SORCS1: variants seen among roughly 807,000 people sequenced by gnomAD.
SORCS1 encodes the protein VPS10 domain-containing receptor SorCS1.
SORCS1 carries 60 observed loss-of-function variants against 146.1 expected under a neutral mutation model. That is an observed-to-expected ratio of 0.41 (90% CI 0.33 to 0.51). The LOEUF (loss-of-function observed/expected upper bound fraction) is 0.51. Ranked by LOEUF, SORCS1 falls within the 20% of genes least tolerant of loss-of-function variation. The probability of loss-of-function intolerance (pLI) is 0.21; values close to 1 mark genes in which losing one functional copy is unlikely to be tolerated. For missense variants in SORCS1, 1,352 were observed against 1,487.6 expected, an observed-to-expected ratio of 0.91 and a Z score of 1.50; for synonymous variants, 637 against 584.0, an observed-to-expected ratio of 1.09 and a Z score of -1.31.
At chr10:106,878,248 G>A (rs1342720533) in intron 2 of SORCS1, among the ~76,000 whole-genome samples, 1 of 151,094 alleles carries the variant, frequency 6.6e-6, no homozygotes, top group Non-Finnish European at 1.5e-5. Context: ...CTGTCTTCTG[G>A]GGGACTCCTT....
intron 1 of SORCS1, among the ~76,000 whole-genome samples, chr10:107,070,753 C>T (rs1183263997): frequency 6.6e-6 from 1 of 151,942 alleles, no homozygotes; most frequent in Non-Finnish European, 1.5e-5. Context: ...AATTTCAAAA[C>T]AAAAATTGTC....
chr10:106,656,448 C>T (rs1018779393), intron 17 of SORCS1, among the ~76,000 whole-genome samples: 2 of 152,032 alleles, frequency 1.3e-5, no homozygotes, highest in African/African-American at 2.4e-5. Flanking sequence ...CTACTCTACT[C>T]GGGAGGCTGA....
chr10:106,665,438 G>T (rs1199961802), intron 17 of SORCS1, among the ~76,000 whole-genome samples: 4 of 148,606 alleles, frequency 2.7e-5, no homozygotes, highest in African/African-American at 7.5e-5. Context: ...GTCCAGGGTG[G>T]CCTTGAACTC....
intron 1 of SORCS1, among the ~76,000 whole-genome samples, chr10:107,054,950 C>T (rs753192928): frequency 6.6e-6 from 1 of 152,122 alleles, no homozygotes; most frequent in African/African-American, 2.4e-5. Context: ...AAGTGTTGGC[C>T]ACTCTTATTA....
intron 3 of SORCS1, among the ~76,000 whole-genome samples, chr10:106,789,765 C>G (rs1946224495): frequency 6.6e-6 from 1 of 152,224 alleles, no homozygotes; most frequent in Admixed American, 6.5e-5. Flanking sequence ...TACCAGTACT[C>G]CACTCTCTGC....
intron 1 of SORCS1, among the ~76,000 whole-genome samples, chr10:107,163,348 A>C (rs1969848685): frequency 6.6e-6 from 1 of 152,090 alleles, no homozygotes; most frequent in Non-Finnish European, 1.5e-5. Context: ...TTCTCAAAAC[A>C]CCCTCGCTTA....
chr10:106,700,996 C>T lies in SORCS1; in HGVS notation c.1234-1603G>A, dbSNP rs115602357. ...GGTATCTGCAGGGGGATTGGTTCCA[C>T]AATTGCCCTCAGATACCAAAATCCA... On this transcript the variant is annotated intron_variant, in intron 8 of 25. Transcript: ENST00000263054. Among the ~76,000 whole-genome samples the T allele has an allele frequency of 1.8e-3, 270 of 152,278 alleles. 1 individual carries two copies. The highest frequency in any genetic ancestry group is 6.0e-3 in the African/African-American group (249 of 41,562).
intron 1 of SORCS1, among the ~76,000 whole-genome samples, chr10:107,140,366 T>G (rs1238277856): frequency 6.6e-6 from 1 of 151,378 alleles, no homozygotes; most frequent in Non-Finnish European, 1.5e-5. Flanking sequence ...TTTCATGACA[T>G]GTGCAGTTTT....
chr10:106,782,831 C>A (rs1254827537), intron 3 of SORCS1, among the ~76,000 whole-genome samples: 3 of 152,146 alleles, frequency 2.0e-5, no homozygotes, highest in Non-Finnish European at 4.4e-5. Flanking sequence ...GCGGGTTGAT[C>A]CACAGGGCTG....
chr10:107,160,457 C>T (rs572502266), intron 1 of SORCS1, among the ~76,000 whole-genome samples: 9 of 152,164 alleles, frequency 5.9e-5, no homozygotes, highest in Non-Finnish European at 1.3e-4. Flanking sequence ...AAAGCATCTA[C>T]CCCAAAAGTT....
At chr10:106,948,300 AT>A (rs1358280481) in intron 2 of SORCS1, among the ~76,000 whole-genome samples, 1 of 147,200 alleles carries the variant, frequency 6.8e-6, no homozygotes, top group African/African-American at 2.5e-5. Context: ...AAAAAAAAAA[AT>A]GTATCTGTGT....
Position 107,018,963 on chromosome 10 carries a change from A to G in SORCS1, c.559-62383T>C, listed in dbSNP as rs142759425. On this transcript the variant is annotated intron_variant, in intron 1 of 25. Coordinates refer to ENST00000263054, the MANE Select transcript of SORCS1 (RefSeq NM_052918.5). The stretch of plus-strand genomic sequence containing the variant: ...CAAATAACTTGAAGTTCCAGCTTCT[A>G]GGCTCAGCTCTGCTATTCAATAGCT... 3.5e-4 allele frequency among the ~76,000 whole-genome samples: 54 copies of G among 152,350 alleles called. No individual in the cohort carries two copies. The East Asian group carries it at 5.4e-3, about 15-fold the overall frequency.
chr10:107,137,122 T>C (rs1325199453), intron 1 of SORCS1, among the ~76,000 whole-genome samples: 1 of 152,162 alleles, frequency 6.6e-6, no homozygotes, highest in African/African-American at 2.4e-5. Flanking sequence ...TTAATGTAGC[T>C]ACCAGCCTGC....
chr10:107,110,591 A>G (rs1965627922), intron 1 of SORCS1, among the ~76,000 whole-genome samples: 1 of 152,036 alleles, frequency 6.6e-6, no homozygotes, highest in African/African-American at 2.4e-5. Context: ...TGAGGGATCC[A>G]CCCTCATAAC....
chr10:106,771,146 A>G (rs557390084), intron 4 of SORCS1, among the ~76,000 whole-genome samples: 5 of 152,202 alleles, frequency 3.3e-5, no homozygotes, highest in Non-Finnish European at 5.9e-5. Flanking sequence ...ATCCTAACAG[A>G]GGCTCCAAGA....
intron 2 of SORCS1, among the ~76,000 whole-genome samples, chr10:106,854,811 A>C (rs1353764974): frequency 1.3e-5 from 2 of 152,078 alleles, no homozygotes; most frequent in Non-Finnish European, 2.9e-5. Context: ...ACATAAGCAT[A>C]CCTAAGTGTG....
At chr10:106,868,265 C>G (rs1229021292) in intron 2 of SORCS1, among the ~76,000 whole-genome samples, 1 of 152,084 alleles carries the variant, frequency 6.6e-6, no homozygotes, top group African/African-American at 2.4e-5. Context: ...GACTTCAACA[C>G]CCCACTGACA....
intron 2 of SORCS1, among the ~76,000 whole-genome samples, chr10:106,882,945 C>A (rs1950860392): frequency 6.6e-6 from 1 of 152,154 alleles, no homozygotes; most frequent in Admixed American, 6.5e-5. Flanking sequence ...GAATCAGGTT[C>A]CATTCTGATC....
chr10:107,153,585 C>A (rs908432409), intron 1 of SORCS1, among the ~76,000 whole-genome samples: 2 of 152,214 alleles, frequency 1.3e-5, no homozygotes, highest in African/African-American at 4.8e-5. Flanking sequence ...CTGCTGCATA[C>A]TCAGGAAACA....
Sources: gnomAD v4.1 joint callset for allele counts (sites outside exome capture counted in the v4.1 genomes callset) on GRCh38, gnomAD v4.1.1 for gene constraint, MANE v1.5 for transcripts, NCBI Gene and HGNC (gene_info 2026-07-23, HGNC 2026-07-21) for gene names.